The following PCDHGA5 variants were observed in gnomAD, a reference collection of about 807,000 sequenced individuals.
The protein encoded by PCDHGA5 is protocadherin gamma subfamily A, 5.
In PCDHGA5, 36 loss-of-function variants were observed where a neutral mutation model predicts 56.7. The ratio of observed to expected loss-of-function variants is 0.64; its 90% CI spans 0.49 to 0.84. PCDHGA5 has a LOEUF of 0.84. PCDHGA5 is among the 40% of genes least tolerant of loss of function. The pLI, the probability that PCDHGA5 is intolerant of heterozygous loss-of-function variation, is 0.00. For synonymous variants in PCDHGA5, 563 were observed against 520.2 expected (o/e 1.08, Z -1.12); for missense variants, 1,305 against 1,201.5 (o/e 1.09, Z -1.27).
chr5:141,395,022 G>A lies in PCDHGA5; in HGVS notation c.2421+28271G>A, dbSNP rs2093150969. ...CGGTGGCAGATTGGTAGGCGTGCCT[G>A]CCTCACATTTTGTGGGTGTTGAGGA... On this transcript the variant is annotated intron_variant, in intron 1 of 3. Transcript: ENST00000518069. 1 of 1,614,128 alleles carries A rather than the reference G, an allele frequency of 6.2e-7. No homozygotes were observed. The highest frequency in any genetic ancestry group is 1.3e-5 in the African/African-American group (1 of 75,036).
chr5:141,417,896 C>G, intron 1 of PCDHGA5: 1 of 1,576,868 alleles, frequency 6.3e-7, no homozygotes, highest in Non-Finnish European at 8.6e-7. Flanking sequence ...CCGGGCCGGC[C>G]CGCGGCAGGT....
Position 141,431,948 on chromosome 5 carries a change from T to G in PCDHGA5, c.2422-62859T>G. ...AAATCTGCCCTTTAAATTAGAAAAA[T>G]CTTACGGAAATTACTATAGTTTAGT... is the stretch of plus-strand genomic sequence containing the variant. On this transcript the variant is annotated intron_variant, in intron 1 of 3. Transcript: ENST00000518069. The surrounding 1 kb of genome is among the most constrained non-coding windows in gnomAD (Gnocchi z 4.8). The G allele has an allele frequency of 6.2e-7, 1 of 1,614,076 alleles. No homozygotes were observed. The highest frequency in any genetic ancestry group is 8.5e-7 in the Non-Finnish European group (1 of 1,180,006).
At chr5:141,390,352 A>G (rs1340044054) in intron 1 of PCDHGA5, 2 of 1,557,524 alleles carry the variant, frequency 1.3e-6, no homozygotes, top group African/African-American at 2.7e-5. Context: ...GAAAATATAC[A>G]TATTTGCAGG....
At chr5:141,384,266 C>T in intron 1 of PCDHGA5, 1 of 1,613,876 alleles carries the variant, frequency 6.2e-7, no homozygotes. Context: ...CCCCACTCAT[C>T]CTACTCAGTC....
chr5:141,388,712 G>C (rs1345089798), intron 1 of PCDHGA5: 6 of 1,613,868 alleles, frequency 3.7e-6, no homozygotes, highest in Non-Finnish European at 5.1e-6. Flanking sequence ...TCAATGCCGA[G>C]ATTACTTTCT....
chr5:141,491,901 G>C lies in PCDHGA5; in HGVS notation c.2422-2906G>C, dbSNP rs1196717010. 1 of 1,429,696 alleles carries C rather than the reference G, an allele frequency of 7.0e-7. No homozygotes were observed. The highest frequency in any genetic ancestry group is 9.3e-7 in the Non-Finnish European group (1 of 1,080,148). 88.6% of individuals were successfully genotyped at this position (1,429,696 alleles called of 1,614,324 possible). ...AAGGGATGGGGCTCCGAGCACCGGG[G>C]GTGGTGGCGACTGTGGGCGAGGGGA... On this transcript the variant is annotated intron_variant, in intron 1 of 3. Transcript: ENST00000518069. The surrounding 1 kb of genome is among the most constrained non-coding windows in gnomAD (Gnocchi z 6.9).
chr5:141,504,010 C>G (rs980812107), intron 2 of PCDHGA5, among the ~76,000 whole-genome samples: 9 of 152,204 alleles, frequency 5.9e-5, no homozygotes, highest in African/African-American at 1.2e-4. Context: ...TTAACTGTCT[C>G]TGCTGGTCTC....
intron 1 of PCDHGA5, among the ~76,000 whole-genome samples, chr5:141,449,061 A>G (rs1280366583): frequency 1.3e-5 from 2 of 152,190 alleles, no homozygotes; most frequent in Non-Finnish European, 2.9e-5. Context: ...AATGAGCGCT[A>G]TTGAATAGCC....
In PCDHGA5 at chr5:141,379,889, C is replaced by CTTTTTTTTT. The variant is rs70988800; in HGVS notation, c.2421+13160_2421+13168dup. ...CTTATTTTATGGTCTGTGAAAGCCT[C>CTTTTTTTTT]TTTTTTTTTTTTTTTTTTTTTTTTT... is the stretch of plus-strand genomic sequence containing the variant. On this transcript the variant is annotated intron_variant, in intron 1 of 3. Transcript: ENST00000518069. Among the ~76,000 whole-genome samples the CTTTTTTTTT allele has an allele frequency of 5.8e-3, 297 of 50,818 alleles. 50 individuals are homozygous for CTTTTTTTTT. Among genetic ancestry groups the CTTTTTTTTT allele is most frequent in the African/African-American group, 9.2e-3 (138 of 15,074 alleles). The allele number at this position is 50,818 out of a possible 152,430, so 33.3% of individuals were successfully genotyped here.
Position 141,366,291 on chromosome 5 carries a change from T to C in PCDHGA5, c.1961T>C (p.Leu654Pro), listed in dbSNP as rs768290200. 15 of 1,613,746 alleles carry C rather than the reference T, an allele frequency of 9.3e-6. No individual in the cohort carries two copies. The South Asian group carries it at 1.5e-4, about 17-fold the overall frequency. ...VAVEDHGQPP[L>P]SATFTVTVAV... ...GTCGAAGACCATGGCCAGCCCCCTC[T>C]GTCAGCCACCTTCACGGTCACCGTT... The change falls in exon 1 of 4, where the codon CTG becomes CCG. Residue 654 changes from leucine to proline, a missense_variant. Physicochemically the swap from Leu to Pro is moderately conservative, Grantham distance 98 (BLOSUM62 -3). Transcript: ENST00000518069.
chr5:141,389,930 C>T (rs1255366269), intron 1 of PCDHGA5: 1 of 1,614,064 alleles, frequency 6.2e-7, no homozygotes. Context: ...CCTCTGACCT[C>T]CAGGCTGAGC....
At chr5:141,449,251 A>T (rs918418872) in intron 1 of PCDHGA5, among the ~76,000 whole-genome samples, 10 of 152,256 alleles carry the variant, frequency 6.6e-5, no homozygotes, top group Middle Eastern at 3.4e-3. Flanking sequence ...AGTTGCAAGA[A>T]TTGTACAAAG....
In PCDHGA5 at chr5:141,389,615, G is replaced by A. The variant is rs552257647; in HGVS notation, c.2421+22864G>A. 11 of 1,612,972 alleles carry A rather than the reference G, an allele frequency of 6.8e-6. No individual in the cohort carries two copies. The African/African-American group carries it at 8.0e-5, about 12-fold the overall frequency. On this transcript the variant is annotated intron_variant, in intron 1 of 3. Transcript: ENST00000518069. ...GCTCTGCGCTCTTCGATATGGTGCC[G>A]CACGCTGCAGAGCCTGGCTACTTGG...
intron 2 of PCDHGA5, among the ~76,000 whole-genome samples, chr5:141,495,703 GGAGT>G (rs2099763108): frequency 6.6e-6 from 1 of 152,098 alleles, no homozygotes; most frequent in South Asian, 2.1e-4. Context: ...CAATAAATGT[GGAGT>G]GAGTAACTAC....
At chr5:141,507,807 A>AACGG (rs1465406594) in intron 3 of PCDHGA5, among the ~76,000 whole-genome samples, 2 of 152,152 alleles carry the variant, frequency 1.3e-5, no homozygotes, top group East Asian at 3.9e-4. Flanking sequence ...CGCCCTGGGG[A>AACGG]ACGGACCCTG....
At chr5:141,410,807 T>C in intron 1 of PCDHGA5, 1 of 647,592 alleles carries the variant, frequency 1.5e-6, no homozygotes, top group Non-Finnish European at 2.4e-6. Flanking sequence ...CTCTATCTTT[T>C]TGTAAAATAA....
chr5:141,432,722 T>G lies in PCDHGA5; in HGVS notation c.2422-62085T>G, dbSNP rs2097531915. 6.2e-7 allele frequency: 1 copy of G among 1,613,646 alleles called. No homozygotes were observed. Among genetic ancestry groups the G allele is most frequent in the African/African-American group, 1.3e-5 (1 of 74,900 alleles). ...CCAGGACCACGGCCAGCCCCCTCTC[T>G]CCGCCACTGTCACGCTCACCGTGGC... On this transcript the variant is annotated intron_variant, in intron 1 of 3. Coordinates refer to ENST00000518069, the MANE Select transcript of PCDHGA5 (RefSeq NM_018918.3). The surrounding 1 kb of genome is among the most constrained non-coding windows in gnomAD (Gnocchi z 6.0).
chr5:141,444,915 T>C (rs1262912255), intron 1 of PCDHGA5, among the ~76,000 whole-genome samples: 1 of 152,174 alleles, frequency 6.6e-6, no homozygotes, highest in East Asian at 1.9e-4. Flanking sequence ...TCTATACCTT[T>C]ATCAGGGAAA....
chr5:141,393,381 A>G, intron 1 of PCDHGA5: 3 of 1,614,022 alleles, frequency 1.9e-6, no homozygotes, highest in South Asian at 1.1e-5. Flanking sequence ...CAATGGAGCC[A>G]TAAACCCAGA....
Sources: allele counts gnomAD v4.1 joint callset (sites outside exome capture counted in the v4.1 genomes callset), GRCh38; gene constraint gnomAD v4.1.1; non-coding constraint Gnocchi (gnomAD v3.1); transcripts MANE v1.5; gene names NCBI Gene and HGNC (gene_info 2026-07-23, HGNC 2026-07-21).